Variants in MTFR1 observed in about 807,000 individuals in gnomAD.
MTFR1 encodes mitochondrial fission regulator 1, also known as chondrocyte protein with a poly-proline region.
A neutral mutation model predicts 38.8 loss-of-function variants in MTFR1; 28 were observed. The observed-to-expected ratio is 0.72, with a 90% CI of 0.53 to 0.99. The LOEUF is 0.99. Among genes scored for constraint, MTFR1 ranks in the 50% least tolerant of loss-of-function variants. The pLI is 0.00. For synonymous variants in MTFR1, 145 were observed against 137.0 expected (o/e 1.06, Z -0.41); for missense variants, 358 against 395.5 (o/e 0.91, Z 0.81).
At chr8:65,668,734 A>T (rs1804471991) in intron 1 of MTFR1, among the ~76,000 whole-genome samples, 1 of 151,910 alleles carries the variant, frequency 6.6e-6, no homozygotes, top group South Asian at 2.1e-4. Flanking sequence ...GGCTGGTCTC[A>T]AACTCCTGAC....
intron 4 of MTFR1, among the ~76,000 whole-genome samples, chr8:65,702,508 C>A (rs1419572196): frequency 6.6e-6 from 1 of 151,950 alleles, no homozygotes; most frequent in East Asian, 1.9e-4. Context: ...CCATGTTGGC[C>A]AGGCTGGTCT....
chr8:65,716,701 A>T (rs1036176540), intron 2 of MTFR1, among the ~76,000 whole-genome samples: 3 of 152,194 alleles, frequency 2.0e-5, no homozygotes, highest in Admixed American at 6.5e-5. Context: ...ATAGTGTTTT[A>T]AAAAAATAGT....
intron 3 of MTFR1, among the ~76,000 whole-genome samples, chr8:65,761,611 T>C (rs1808498585): frequency 6.6e-6 from 1 of 152,162 alleles, no homozygotes; most frequent in East Asian, 1.9e-4. Context: ...TGCTGGCTCT[T>C]TTCTAAAATA....
intron 1 of MTFR1, among the ~76,000 whole-genome samples, chr8:65,657,469 G>A (rs1490146369): frequency 6.6e-6 from 1 of 152,110 alleles, no homozygotes; most frequent in East Asian, 1.9e-4. Flanking sequence ...TTGGGAGGCT[G>A]AGGCAGGAGT....
chr8:65,771,022 C>T (rs543309839), exon 4 of MTFR1: 28 of 379,118 alleles, frequency 7.4e-5, no homozygotes, highest in Non-Finnish European at 1.4e-4. Context: ...ATTTATAAGC[C>T]TTAAGAGAAT....
intron 3 of MTFR1, among the ~76,000 whole-genome samples, chr8:65,752,777 ACTGT>A (rs1455652677): frequency 2.6e-5 from 4 of 152,042 alleles, no homozygotes; most frequent in African/African-American, 9.7e-5. Flanking sequence ...GACACTCTAA[ACTGT>A]CTATGTTGAA....
intron 3 of MTFR1, among the ~76,000 whole-genome samples, chr8:65,738,661 G>A (rs1249056407): frequency 6.6e-6 from 1 of 152,018 alleles, no homozygotes; most frequent in Non-Finnish European, 1.5e-5. Flanking sequence ...TCCAACTCGT[G>A]GCCTCACGTG....
intron 1 of MTFR1, among the ~76,000 whole-genome samples, chr8:65,662,034 TCTCTCTCC>T (rs1409401028): frequency 1.3e-3 from 67 of 51,388 alleles, no homozygotes; most frequent in African/African-American, 4.4e-3. Context: ...TCTCTCTCCC[TCTCTCTCC>T]CTCTCTCTCT....
At chr8:65,766,505 C>G (rs114440649) in intron 3 of MTFR1, among the ~76,000 whole-genome samples, 4,686 of 152,216 alleles carry the variant, frequency 0.031, 178 homozygotes, top group African/African-American at 0.089. Context: ...GGAGACGCTG[C>G]CATAGTAAAA....
intron 3 of MTFR1, among the ~76,000 whole-genome samples, chr8:65,732,404 T>C (rs1232171743): frequency 6.6e-6 from 1 of 152,236 alleles, no homozygotes; most frequent in Non-Finnish European, 1.5e-5. Context: ...CCTGCCCTGC[T>C]CACCACCACA....
chr8:65,690,865 AGCCTC>A (rs1805255761), intron 3 of MTFR1, among the ~76,000 whole-genome samples: 1 of 152,180 alleles, frequency 6.6e-6, no homozygotes, highest in African/African-American at 2.4e-5. Flanking sequence ...CTCTGCTAGG[AGCCTC>A]ACAGGGCTTG....
chr8:65,777,188 T>G, the MTFR1 span, among the ~76,000 whole-genome samples: 2 of 149,532 alleles, frequency 1.3e-5, no homozygotes, highest in Non-Finnish European at 3.0e-5. Context: ...CAAGCGATTC[T>G]CCTGCCTCGG....
chr8:65,753,484 A>G (rs1017154795), intron 3 of MTFR1, among the ~76,000 whole-genome samples: 1 of 152,198 alleles, frequency 6.6e-6, no homozygotes, highest in African/African-American at 2.4e-5. Flanking sequence ...TGAAATAATT[A>G]GCTTTGTACT....
At chr8:65,671,598 G>A (rs1804571074) in intron 2 of MTFR1, among the ~76,000 whole-genome samples, 1 of 149,536 alleles carries the variant, frequency 6.7e-6, no homozygotes, top group Non-Finnish European at 1.5e-5. Flanking sequence ...AGTGTGGATT[G>A]ACATTTTAGT....
intron 3 of MTFR1, among the ~76,000 whole-genome samples, chr8:65,749,209 CT>C (rs1292022797): frequency 6.6e-6 from 1 of 152,202 alleles, no homozygotes; most frequent in Non-Finnish European, 1.5e-5. Context: ...CAAATGATGA[CT>C]TTCAGAACAG....
At chr8:65,778,593 T>C in the MTFR1 span, among the ~76,000 whole-genome samples, 1 of 152,214 alleles carries the variant, frequency 6.6e-6, no homozygotes, top group Non-Finnish European at 1.5e-5. Context: ...GGTTATTTTA[T>C]GCCAATAAGT....
At chr8:65,686,579 CAAAAAA>C (rs757100773) in intron 3 of MTFR1, among the ~76,000 whole-genome samples, 56 of 62,402 alleles carry the variant, frequency 9.0e-4, no homozygotes, top group Non-Finnish European at 1.4e-3. Flanking sequence ...GACTCCGTCT[CAAAAAA>C]AAAAAAAAAA....
At chr8:65,657,927 C>T (rs1809312218) in intron 1 of MTFR1, among the ~76,000 whole-genome samples, 1 of 152,154 alleles carries the variant, frequency 6.6e-6, no homozygotes, top group African/African-American at 2.4e-5. Flanking sequence ...TGGCAACATT[C>T]AGTATCATAG....
the MTFR1 span, among the ~76,000 whole-genome samples, chr8:65,776,563 T>A: frequency 2.0e-5 from 3 of 152,208 alleles, no homozygotes; most frequent in African/African-American, 7.2e-5. Context: ...TCTATTTAAG[T>A]TATCTTTAAT....
Sources: allele counts gnomAD v4.1 joint callset (sites outside exome capture counted in the v4.1 genomes callset), GRCh38; gene constraint gnomAD v4.1.1; transcripts MANE v1.5; gene names NCBI Gene and HGNC (gene_info 2026-07-23, HGNC 2026-07-21).